Variants in AGPAT4 observed in about 807,000 individuals in gnomAD.
The protein encoded by AGPAT4 is 1-acylglycerol-3-phosphate O-acyltransferase 4.
A neutral mutation model predicts 48.0 loss-of-function variants in AGPAT4; 15 were observed. That is an observed-to-expected ratio of 0.31 (90% CI 0.21 to 0.48). The LOEUF is 0.48. Among genes scored for constraint, AGPAT4 ranks in the 20% least tolerant of loss-of-function variants. The pLI, the probability that AGPAT4 is intolerant of heterozygous loss-of-function variation, is 0.99. For missense variants in AGPAT4, 314 were observed against 482.5 expected (o/e 0.65, Z 3.27); for synonymous variants, 178 against 198.7 (o/e 0.90, Z 0.88).
chr6:161,191,678 G>T (rs560954199), intron 2 of AGPAT4, among the ~76,000 whole-genome samples: 3 of 152,312 alleles, frequency 2.0e-5, no homozygotes, highest in African/African-American at 7.2e-5. Context: ...GCAGCTGTTT[G>T]ACTTTTGTGG....
rs764895182 is a variant in AGPAT4, at chr6:161,261,516, G to A, written c.-90+12422C>T. The stretch of plus-strand genomic sequence containing the variant: ...ATTCACCACACTGCTCCAGGGAAAC[G>A]CCCGGCTCACGGCTGACTCATGATG... On this transcript the variant is annotated intron_variant, in intron 1 of 8. Coordinates refer to ENST00000320285, the MANE Select transcript of AGPAT4 (RefSeq NM_020133.3). This position sits in a 1 kb window ranked among gnomAD's most constrained non-coding sequence, Gnocchi z 5.3. 7.2e-5 allele frequency among the ~76,000 whole-genome samples: 11 copies of A among 152,188 alleles called. No individual in the cohort carries two copies. The highest frequency in any genetic ancestry group is 1.3e-4 in the Non-Finnish European group (9 of 68,038).
At position 161,212,234 on chromosome 6, in the gene AGPAT4, G is replaced by C. The variant is rs1481445416; in HGVS notation, c.178+19802C>G. Among the ~76,000 whole-genome samples the C allele has an allele frequency of 6.6e-6, 1 of 152,092 alleles. No individual in the cohort carries two copies. Among genetic ancestry groups the C allele is most frequent in the Non-Finnish European group, 1.5e-5 (1 of 68,004 alleles). On this transcript the variant is annotated intron_variant, in intron 2 of 8. Coordinates refer to ENST00000320285, the MANE Select transcript of AGPAT4 (RefSeq NM_020133.3). This position sits in a 1 kb window ranked among gnomAD's most constrained non-coding sequence, Gnocchi z 6.1. ...GAAAAACAAATTTAAATGACTTTGT[G>C]CTATTTTTATTAGGGCTTATTGTTT...
In AGPAT4 at chr6:161,189,735, C is replaced by G. The variant is rs887669395; in HGVS notation, c.179-23318G>C. The stretch of plus-strand genomic sequence containing the variant: ...CACCTGCCCCTTCCTCACCCACCGC[C>G]CTCCTAACCCCTCTCTCCTCCACCC... On this transcript the variant is annotated intron_variant, in intron 2 of 8. Transcript: ENST00000320285. The surrounding 1 kb of genome is among the most constrained non-coding windows in gnomAD (Gnocchi z 5.3). Among the ~76,000 whole-genome samples, 8 of 152,170 alleles carry G rather than the reference C, an allele frequency of 5.3e-5. No homozygotes were observed. The highest frequency in any genetic ancestry group is 1.9e-4 in the African/African-American group (8 of 41,436).
rs61555926 is a variant in AGPAT4, at chr6:161,195,497, CCA to C, written c.179-29082_179-29081del. ...TCAGAATCAGAAGTTTGTACAGTAG[CCA>C]GAGATCTTTAAAAGCTCAAAGCGCT... is the stretch of plus-strand genomic sequence containing the variant. On this transcript the variant is annotated intron_variant, in intron 2 of 8. Coordinates refer to ENST00000320285, the MANE Select transcript of AGPAT4 (RefSeq NM_020133.3). The surrounding 1 kb of genome is among the most constrained non-coding windows in gnomAD (Gnocchi z 5.0). 0.18 allele frequency among the ~76,000 whole-genome samples: 27,143 copies of C among 152,056 alleles called. 4,315 individuals are homozygous for C. The highest frequency in any genetic ancestry group is 0.43 in the African/African-American group (17,995 of 41,396).
rs894494001 is a variant in AGPAT4, at chr6:161,138,746, G to C, written c.1042+676C>G. On this transcript the variant is annotated intron_variant, in intron 8 of 8. Transcript: ENST00000320285. This position sits in a 1 kb window ranked among gnomAD's most constrained non-coding sequence, Gnocchi z 4.8. ...AAGCCTCAGAGGACGCCAGGCTTGG[G>C]GAGACAGGGCCTTTCACAGGGAAAC... Among the ~76,000 whole-genome samples the C allele has an allele frequency of 6.6e-6, 1 of 152,116 alleles. No homozygotes were observed. Among genetic ancestry groups the C allele is most frequent in the East Asian group, 1.9e-4 (1 of 5,192 alleles).
rs1315088333 is a variant in AGPAT4, at chr6:161,226,592, C to A, written c.178+5444G>T. Among the ~76,000 whole-genome samples, 1 of 152,216 alleles carries A rather than the reference C, an allele frequency of 6.6e-6. No individual in the cohort carries two copies. Among genetic ancestry groups the A allele is most frequent in the African/African-American group, 2.4e-5 (1 of 41,458 alleles). ...CAAGTTGACAAACATCAGGAAGCTG[C>A]CGCCCTCCATCTTCTCTCACTTCTC... On this transcript the variant is annotated intron_variant, in intron 2 of 8. Transcript: ENST00000320285. The surrounding 1 kb of genome is among the most constrained non-coding windows in gnomAD (Gnocchi z 6.3).
At position 161,232,432 on chromosome 6, in the gene AGPAT4, T is replaced by G; in HGVS notation, c.-89-130A>C. Reference sequence around the variant, plus strand: ...TGTGCGTTAGTTGATTTATCTTTATTTTGCAAACATTGATGTAGTGCTTAC... The same window carrying G: ...TGTGCGTTAGTTGATTTATCTTTATGTTGCAAACATTGATGTAGTGCTTAC... On this transcript the variant is annotated intron_variant, in intron 1 of 8. Transcript: ENST00000320285. This position sits in a 1 kb window ranked among gnomAD's most constrained non-coding sequence, Gnocchi z 6.8. 1 of 514,972 alleles carries G rather than the reference T, an allele frequency of 1.9e-6. No individual in the cohort carries two copies. The highest frequency in any genetic ancestry group is 3.5e-6 in the Non-Finnish European group (1 of 288,680). 31.9% of individuals were successfully genotyped at this position (514,972 alleles called of 1,614,324 possible). A position where few individuals can be genotyped will look rare whatever the true frequency, so the allele number is the denominator to read the frequency against.
rs1780259588 is a variant in AGPAT4, at chr6:161,171,229, A to T, written c.179-4812T>A. Among the ~76,000 whole-genome samples the T allele has an allele frequency of 6.6e-6, 1 of 152,230 alleles. No individual in the cohort carries two copies. Among genetic ancestry groups the T allele is most frequent in the Admixed American group, 6.5e-5 (1 of 15,282 alleles). ...AGCCCTACGAGGGTAAATCTAAGAG[A>T]AGCAAAGATAAGGTATTTGCTGTTT... On this transcript the variant is annotated intron_variant, in intron 2 of 8. Transcript: ENST00000320285. The surrounding 1 kb of genome is among the most constrained non-coding windows in gnomAD (Gnocchi z 4.4).
rs1781045981 is a variant in AGPAT4, at chr6:161,195,556, C to T, written c.179-29139G>A. Among the ~76,000 whole-genome samples the T allele has an allele frequency of 6.6e-6, 1 of 152,204 alleles. No individual in the cohort carries two copies. The highest frequency in any genetic ancestry group is 1.5e-5 in the Non-Finnish European group (1 of 68,032). On this transcript the variant is annotated intron_variant, in intron 2 of 8. Transcript: ENST00000320285. This position sits in a 1 kb window ranked among gnomAD's most constrained non-coding sequence, Gnocchi z 5.0. ...CGCACACTTCATGTAACAGTTCACT[C>T]AGCAAGCCCATGATGCCTGTAGTAT...
At position 161,206,930 on chromosome 6, in the gene AGPAT4, C is replaced by A. The variant is rs1221891741; in HGVS notation, c.178+25106G>T. 6.6e-6 allele frequency among the ~76,000 whole-genome samples: 1 copy of A among 152,186 alleles called. No individual in the cohort carries two copies. Among genetic ancestry groups the A allele is most frequent in the Non-Finnish European group, 1.5e-5 (1 of 68,036 alleles). ...GAGTGAAGGAGGCAGAGGAAAGAAC[C>A]AGTGAACTCAAAGGCAGAACAGTAG... On this transcript the variant is annotated intron_variant, in intron 2 of 8. Coordinates refer to ENST00000320285, the MANE Select transcript of AGPAT4 (RefSeq NM_020133.3). This position sits in a 1 kb window ranked among gnomAD's most constrained non-coding sequence, Gnocchi z 4.8.
intron 1 of AGPAT4, among the ~76,000 whole-genome samples, chr6:161,257,293 G>T: frequency 6.6e-6 from 1 of 152,176 alleles, no homozygotes. Flanking sequence ...TGGATCTCAA[G>T]CATATTATGC....
chr6:161,154,095 C>A lies in AGPAT4; in HGVS notation c.510+54G>T, dbSNP rs142764194. 121 of 1,610,392 alleles carry A rather than the reference C, an allele frequency of 7.5e-5. No individual in the cohort carries two copies. The highest frequency in any genetic ancestry group is 1.0e-4 in the Non-Finnish European group (118 of 1,178,102). On this transcript the variant is annotated intron_variant, in intron 4 of 8. Coordinates refer to ENST00000320285, the MANE Select transcript of AGPAT4 (RefSeq NM_020133.3). This position sits in a 1 kb window ranked among gnomAD's most constrained non-coding sequence, Gnocchi z 7.8. ...CTGTGGAAGTCACATGGGGGTCCCA[C>A]GGTCACAGTCCTGCAGGAGCCCTTG...
chr6:161,150,600 G>A (rs1049137316), intron 5 of AGPAT4, among the ~76,000 whole-genome samples: 2 of 152,200 alleles, frequency 1.3e-5, no homozygotes, highest in Non-Finnish European at 2.9e-5. Flanking sequence ...ACCATGCGGG[G>A]TCTGCAGGTC....
intron 2 of AGPAT4, among the ~76,000 whole-genome samples, chr6:161,173,841 T>G (rs1441350637): frequency 1.3e-5 from 2 of 152,244 alleles, no homozygotes; most frequent in Non-Finnish European, 2.9e-5. Context: ...AAGGAAGGGA[T>G]CCAGTTTCAG....
In AGPAT4 at chr6:161,259,084, C is replaced by A. The variant is rs1783028601; in HGVS notation, c.-90+14854G>T. 6.6e-6 allele frequency among the ~76,000 whole-genome samples: 1 copy of A among 152,110 alleles called. No individual in the cohort carries two copies. Among genetic ancestry groups the A allele is most frequent in the South Asian group, 2.1e-4 (1 of 4,818 alleles). The stretch of plus-strand genomic sequence containing the variant: ...AAGTGCTGGGATTACAGGTGTGAGC[C>A]ACGGTACCCGGCCTTAAATTCTTTT... On this transcript the variant is annotated intron_variant, in intron 1 of 8. Coordinates refer to ENST00000320285, the MANE Select transcript of AGPAT4 (RefSeq NM_020133.3). This position sits in a 1 kb window ranked among gnomAD's most constrained non-coding sequence, Gnocchi z 4.9.
rs1398193794 is a variant in AGPAT4 at position 161,262,216 on chromosome 6, A to G, written c.-90+11722T>C. Reference sequence around the variant, plus strand: ...AATCATTTATAGAACTTAAAAAAAAATGAGCCTGAATTGGTTGGTCCAAGG... The same window carrying G: ...AATCATTTATAGAACTTAAAAAAAAGTGAGCCTGAATTGGTTGGTCCAAGG... On this transcript the variant is annotated intron_variant, in intron 1 of 8. Transcript: ENST00000320285. This position sits in a 1 kb window ranked among gnomAD's most constrained non-coding sequence, Gnocchi z 4.9. Among the ~76,000 whole-genome samples the G allele has an allele frequency of 6.6e-6, 1 of 152,126 alleles. No homozygotes were observed. The highest frequency in any genetic ancestry group is 1.5e-5 in the Non-Finnish European group (1 of 68,012).
chr6:161,228,660 G>GAAAAAAAAAAAAAAAAAAAAA (rs1562347784), intron 2 of AGPAT4, among the ~76,000 whole-genome samples: 1 of 53,020 alleles, frequency 1.9e-5, no homozygotes, highest in African/African-American at 1.8e-4. Context: ...TGTCAGAGAG[G>GAAAAAAAAAAAAAAAAAAAAA]TAAAAAAAAA....
rs569900310 is a variant in AGPAT4, at chr6:161,151,882, G to A, written c.664+1464C>T. Among the ~76,000 whole-genome samples, 15 of 152,328 alleles carry A rather than the reference G, an allele frequency of 9.8e-5. No individual in the cohort carries two copies. The East Asian group carries it at 2.7e-3, about 28-fold the overall frequency. On this transcript the variant is annotated intron_variant, in intron 5 of 8. Coordinates refer to ENST00000320285, the MANE Select transcript of AGPAT4 (RefSeq NM_020133.3). The stretch of plus-strand genomic sequence containing the variant: ...ATCCTTGGCCCTGGGGCCCAGGGTC[G>A]GTGTAGAGGCAGGGACTGCAGGGAG...
intron 2 of AGPAT4, among the ~76,000 whole-genome samples, chr6:161,183,256 T>A (rs1041584842): frequency 1.3e-5 from 2 of 152,044 alleles, no homozygotes; most frequent in Non-Finnish European, 2.9e-5. Context: ...GGAGCTTGGA[T>A]GTGGCAGGGA....
Sources: allele counts gnomAD v4.1 joint callset (sites outside exome capture counted in the v4.1 genomes callset), GRCh38; gene constraint gnomAD v4.1.1; non-coding constraint Gnocchi (gnomAD v3.1); transcripts MANE v1.5; gene names NCBI Gene and HGNC (gene_info 2026-07-23, HGNC 2026-07-21).